The following NBEA variants were observed in gnomAD, a reference collection of about 807,000 sequenced individuals.
NBEA encodes neurobeachin, also known as lysosomal-trafficking regulator 2.
A neutral mutation model predicts 343.4 loss-of-function variants in NBEA; 44 were observed. The ratio of observed to expected loss-of-function variants is 0.13; its 90% CI spans 0.10 to 0.16. The LOEUF is 0.16. NBEA is among the 10% of genes least tolerant of loss of function. NBEA has a pLI of 1.00. For synonymous variants in NBEA, 1,175 were observed against 1,238.7 expected, an observed-to-expected ratio of 0.95 and a Z score of 1.08; for missense variants, 2,555 against 3,631.3, an observed-to-expected ratio of 0.70 and a Z score of 7.62.
intron 1 of NBEA, among the ~76,000 whole-genome samples, chr13:34,979,757 G>T (rs903000476): frequency 2.0e-5 from 3 of 151,894 alleles, no homozygotes; most frequent in South Asian, 2.1e-4. Flanking sequence ...TTCTTTTATG[G>T]TTATTACTTT....
chr13:35,155,698 G>A, intron 18 of NBEA, 76 bp from the exon 19 acceptor site: 2 of 1,124,862 alleles, frequency 1.8e-6, no homozygotes, highest in Non-Finnish European at 2.7e-6. Flanking sequence ...TCTTTTGCAG[G>A]TTCATTGTAT....
chr13:35,159,718 G>T lies in NBEA; in HGVS notation c.3547G>T (p.Asp1183Tyr). 6.2e-7 allele frequency: 1 copy of T among 1,613,200 alleles called. No homozygotes were observed. The highest frequency in any genetic ancestry group is 1.1e-5 in the South Asian group (1 of 91,004). Residue 1183 changes from aspartate (D) to tyrosine (Y), a missense_variant, in exon 22 of 59, where the codon GAT (aspartate) becomes TAT (tyrosine). By Grantham distance (160) the Asp-to-Tyr change is radical. This residue lies in a region of NBEA where 367 missense variants were observed against 377.5 expected (regional missense o/e 0.97). Transcript: ENST00000379939. ...DTQVHLGVSD[D>Y]LGLLAHMTGS... ...ACAAGTACATCTTGGTGTTAGTGAT[G>T]ATCTTGGATTGCTTGCTCACATGAC... is the stretch of plus-strand genomic sequence containing the variant.
At chr13:35,056,262 T>A (rs1385108826) in intron 7 of NBEA, 133 bp downstream of exon 7, 3 of 825,362 alleles carry the variant, frequency 3.6e-6, no homozygotes, top group Non-Finnish European at 4.9e-6. Context: ...ATTAAATAAA[T>A]CTTTCATTGT....
At chr13:35,594,947 TCACA>T (rs71196581) in intron 47 of NBEA, among the ~76,000 whole-genome samples, 4,122 of 111,034 alleles carry the variant, frequency 0.037, 80 homozygotes, top group Admixed American at 0.078. Context: ...TTTGACATCA[TCACA>T]CACACACACA....
chr13:35,668,338 TTTTG>T (rs759579054), intron 57 of NBEA, 26 bp from the exon 58 acceptor site: 13 of 1,542,164 alleles, frequency 8.4e-6, no homozygotes, highest in Admixed American at 2.1e-5. Context: ...TTTTGTTTTT[TTTTG>T]TTTGTTTGTT....
intron 38 of NBEA, among the ~76,000 whole-genome samples, chr13:35,410,209 C>T (rs117194997): frequency 0.019 from 2,935 of 152,208 alleles, 43 homozygotes; most frequent in Admixed American, 0.031. Flanking sequence ...ATCTTTCCTT[C>T]CATGTTTAGC....
rs368017977 is a variant in NBEA, at chr13:35,171,284, A to C, written c.4255A>C (p.Asn1419His). Residue 1419 changes from asparagine (N) to histidine (H), a missense_variant, in exon 26 of 59, where the codon AAT (asparagine) becomes CAT (histidine). By Grantham distance (68) the Asn-to-His change is moderately conservative. Coordinates refer to ENST00000379939, the MANE Select transcript of NBEA (RefSeq NM_001385012.1). ...SPTGSKTELE[N>H]IEVTQGMSAE... ...TACTTTTTTAAAGACGGAATTGGAA[A>C]ATATTGAAGTGACACAAGGCATGTC... The C allele has an allele frequency of 1.7e-5, 28 of 1,606,658 alleles. No individual in the cohort carries two copies. The highest frequency in any genetic ancestry group is 2.3e-5 in the Non-Finnish European group (27 of 1,176,720).
chr13:35,472,330 G>T, intron 40 of NBEA, 70 bp from the exon 41 acceptor site: 2 of 1,538,922 alleles, frequency 1.3e-6, no homozygotes, highest in Non-Finnish European at 1.7e-6. Flanking sequence ...AAAACCTCTG[G>T]TACCTTTCTG....
At chr13:34,993,674 G>A (rs1028083748) in intron 1 of NBEA, among the ~76,000 whole-genome samples, 1 of 152,120 alleles carries the variant, frequency 6.6e-6, no homozygotes, top group African/African-American at 2.4e-5. Flanking sequence ...ATGACCCCTG[G>A]TTACAACATA....
At chr13:34,975,994 C>T (rs980405265) in intron 1 of NBEA, among the ~76,000 whole-genome samples, 1 of 152,140 alleles carries the variant, frequency 6.6e-6, no homozygotes, top group African/African-American at 2.4e-5. Context: ...CTACTACAAC[C>T]ATTGTGGAAA....
intron 1 of NBEA, among the ~76,000 whole-genome samples, chr13:34,950,126 T>C (rs942034749): frequency 6.6e-6 from 1 of 152,188 alleles, no homozygotes; most frequent in Non-Finnish European, 1.5e-5. Flanking sequence ...TTATCCTGCT[T>C]TCCTGGACCA....
chr13:35,362,247 T>A (rs1303620243), intron 38 of NBEA, among the ~76,000 whole-genome samples: 1 of 151,914 alleles, frequency 6.6e-6, no homozygotes, highest in Non-Finnish European at 1.5e-5. Context: ...CAAACACTAT[T>A]ATGTTGGTCA....
intron 36 of NBEA, 26 bp from the exon 37 acceptor site, chr13:35,349,082 A>G (rs369230243): frequency 3.7e-5 from 49 of 1,333,078 alleles, no homozygotes; most frequent in Non-Finnish European, 4.9e-5. Flanking sequence ...TAAGAATAAT[A>G]TTTCTAAAGG....
At chr13:35,019,311 T>A (rs968843331) in intron 1 of NBEA, among the ~76,000 whole-genome samples, 1 of 151,816 alleles carries the variant, frequency 6.6e-6, no homozygotes, top group African/African-American at 2.4e-5. Flanking sequence ...TTTGTTTTTT[T>A]TTTTGAGACA....
At chr13:35,536,019 C>T (rs372044063) in intron 41 of NBEA, among the ~76,000 whole-genome samples, 5 of 152,082 alleles carry the variant, frequency 3.3e-5, no homozygotes, top group Admixed American at 6.6e-5. Context: ...CTTCAGGAGA[C>T]GGTGATGCTG....
chr13:35,304,377 C>T (rs566466284), intron 35 of NBEA, among the ~76,000 whole-genome samples: 47 of 150,694 alleles, frequency 3.1e-4, no homozygotes, highest in African/African-American at 8.8e-4. Flanking sequence ...GTGTGTGTGA[C>T]GGAGTCTTGG....
chr13:35,495,163 TAAAAAGATAA>T (rs1157444073), intron 41 of NBEA, among the ~76,000 whole-genome samples: 1 of 151,534 alleles, frequency 6.6e-6, no homozygotes, highest in Non-Finnish European at 1.5e-5. Flanking sequence ...AGGTTGAAAA[TAAAAAGATAA>T]AAAAAGATAT....
At chr13:35,200,414 C>G (rs1418180288) in intron 31 of NBEA, among the ~76,000 whole-genome samples, 4 of 145,616 alleles carry the variant, frequency 2.7e-5, no homozygotes, top group African/African-American at 5.1e-5. Context: ...TTAGTTTTAA[C>G]TTCCTAGGAT....
At chr13:35,072,924 G>C (rs909282872) in intron 10 of NBEA, among the ~76,000 whole-genome samples, 1 of 152,112 alleles carries the variant, frequency 6.6e-6, no homozygotes, top group South Asian at 2.1e-4. Context: ...TCTTTAATAC[G>C]TACTCAATTC....
Sources: allele counts gnomAD v4.1 joint callset (sites outside exome capture counted in the v4.1 genomes callset), GRCh38; gene constraint gnomAD v4.1.1; regional missense constraint gnomAD v4.1.1; transcripts MANE v1.5; gene names NCBI Gene and HGNC (gene_info 2026-07-23, HGNC 2026-07-21).